PTPRD: variants seen among roughly 807,000 people sequenced by gnomAD.
PTPRD encodes receptor-type tyrosine-protein phosphatase delta.
PTPRD carries 34 observed loss-of-function variants against 214.5 expected under a neutral mutation model. The observed-to-expected ratio is 0.16, with a 90% CI of 0.12 to 0.21. The LOEUF (loss-of-function observed/expected upper bound fraction) is 0.21. PTPRD is among the 10% of genes least tolerant of loss of function. The pLI is 1.00. For missense variants in PTPRD, 2,545 were observed against 2,398.7 expected, an observed-to-expected ratio of 1.06 and a Z score of -1.27; for synonymous variants, 1,128 against 845.7, an observed-to-expected ratio of 1.33 and a Z score of -5.79.
chr9:8,674,047 G>C (rs909265844), intron 12 of PTPRD, among the ~76,000 whole-genome samples: 11 of 152,130 alleles, frequency 7.2e-5, no homozygotes, highest in African/African-American at 2.7e-4. Context: ...CCTTCACTGT[G>C]TCACATTGCT....
chr9:9,334,184 A>G (rs952904795), intron 9 of PTPRD, among the ~76,000 whole-genome samples: 21 of 152,022 alleles, frequency 1.4e-4, no homozygotes, highest in African/African-American at 5.1e-4. Context: ...CCAAAATGAT[A>G]ATTCTATCAT....
chr9:9,922,221 G>A (rs1240963388), intron 5 of PTPRD, among the ~76,000 whole-genome samples: 1 of 152,070 alleles, frequency 6.6e-6, no homozygotes, highest in African/African-American at 2.4e-5. Flanking sequence ...AAGTTCTAAG[G>A]TGGTTGCTCT....
chr9:10,389,756 C>T (rs139052308), intron 2 of PTPRD, among the ~76,000 whole-genome samples: 1 of 151,856 alleles, frequency 6.6e-6, no homozygotes, highest in Non-Finnish European at 1.5e-5. Context: ...ATAAATACCA[C>T]ATAAAATACT....
chr9:10,306,283 G>T (rs936163658), intron 3 of PTPRD, among the ~76,000 whole-genome samples: 31 of 151,672 alleles, frequency 2.0e-4, no homozygotes, highest in East Asian at 2.0e-4. Context: ...GGGGTGGGGG[G>T]GGCTAGGGGA....
chr9:8,416,462 A>C (rs2093944363), intron 35 of PTPRD, among the ~76,000 whole-genome samples: 1 of 152,136 alleles, frequency 6.6e-6, no homozygotes, highest in Non-Finnish European at 1.5e-5. Flanking sequence ...TTCCAGGAAG[A>C]GGGAAAAAAG....
At chr9:8,942,322 A>G (rs1368020755) in intron 11 of PTPRD, among the ~76,000 whole-genome samples, 1 of 152,236 alleles carries the variant, frequency 6.6e-6, no homozygotes, top group Non-Finnish European at 1.5e-5. Context: ...AAAATAAAAA[A>G]CATGCAAGTT....
rs546460350 is a variant in PTPRD at position 9,386,322 on chromosome 9, T to A, written c.-203+11127A>T. Reference sequence around the variant, plus strand: ...TGCTGACCTGCTAAAATGCCTCACATTGAACCAATGAGGTACGGCACTGAG... The same window carrying A: ...TGCTGACCTGCTAAAATGCCTCACAATGAACCAATGAGGTACGGCACTGAG... On this transcript the variant is annotated intron_variant, in intron 9 of 45. Coordinates refer to ENST00000381196, the MANE Select transcript of PTPRD (RefSeq NM_002839.4). Among the ~76,000 whole-genome samples, 143 of 152,240 alleles carry A rather than the reference T, an allele frequency of 9.4e-4. 1 individual carries two copies. Among genetic ancestry groups the A allele is most frequent in the Middle Eastern group, 3.4e-3 (1 of 294 alleles).
At chr9:10,154,379 A>T (rs1281412513) in intron 3 of PTPRD, among the ~76,000 whole-genome samples, 1 of 152,156 alleles carries the variant, frequency 6.6e-6, no homozygotes, top group Non-Finnish European at 1.5e-5. Context: ...CCTTTGTCAA[A>T]TGTACAATTT....
rs988449605 is a variant in PTPRD at position 10,025,200 on chromosome 9, C to T, written c.-472+8518G>A. ...TTCTAGTTCTAGATCCCTGAGGAAT[C>T]GCCACACTGACTTCCACAATGGTTG... On this transcript the variant is annotated intron_variant, in intron 4 of 45. Coordinates refer to ENST00000381196, the MANE Select transcript of PTPRD (RefSeq NM_002839.4). Among the ~76,000 whole-genome samples the T allele has an allele frequency of 1.2e-4, 18 of 152,200 alleles. 1 individual carries two copies. The highest frequency in any genetic ancestry group is 2.4e-5 in the African/African-American group (1 of 41,508).
intron 12 of PTPRD, among the ~76,000 whole-genome samples, chr9:8,660,090 T>C (rs1430044693): frequency 2.0e-5 from 3 of 152,116 alleles, no homozygotes; most frequent in Non-Finnish European, 4.4e-5. Flanking sequence ...GAATTGCAAA[T>C]GTGTTTTTCA....
At chr9:9,343,228 T>A (rs940823923) in intron 9 of PTPRD, among the ~76,000 whole-genome samples, 1 of 152,194 alleles carries the variant, frequency 6.6e-6, no homozygotes, top group African/African-American at 2.4e-5. Flanking sequence ...TGATTTGTAA[T>A]CCTTTGGGTA....
chr9:9,918,583 T>A lies in PTPRD; in HGVS notation c.-368+19924A>T, dbSNP rs10978086. Among the ~76,000 whole-genome samples, 1,488 of 152,036 alleles carry A rather than the reference T, an allele frequency of 9.8e-3. 17 individuals are homozygous for A. Among genetic ancestry groups the A allele is most frequent in the Non-Finnish European group, 0.016 (1,090 of 67,940 alleles). On this transcript the variant is annotated intron_variant, in intron 5 of 45. Transcript: ENST00000381196. ...GATGTAAATGGAAGCACAAAATACT[T>A]CAAGTAGCCAAAGCCATCCTGAGAC...
chr9:9,532,794 G>C (rs1156841345), intron 8 of PTPRD, among the ~76,000 whole-genome samples: 1 of 152,042 alleles, frequency 6.6e-6, no homozygotes, highest in Non-Finnish European at 1.5e-5. Flanking sequence ...AGCACCCTTG[G>C]AGCAATCATT....
In PTPRD at chr9:8,681,704, C is replaced by G. The variant is rs76604595; in HGVS notation, c.65-44860G>C. ...AGACAAGTTGCTTTTGTAGAGATAC[C>G]CCACTGCAAACATTCTTTTAAAGAT... On this transcript the variant is annotated intron_variant, in intron 12 of 45. Coordinates refer to ENST00000381196, the MANE Select transcript of PTPRD (RefSeq NM_002839.4). 1.3e-3 allele frequency among the ~76,000 whole-genome samples: 203 copies of G among 152,206 alleles called. 3 individuals carry two copies. In the East Asian group the frequency reaches 0.023, roughly 17 times the overall value.
intron 37 of PTPRD, among the ~76,000 whole-genome samples, chr9:8,380,019 A>G (rs1243017888): frequency 2.6e-5 from 4 of 152,158 alleles, no homozygotes; most frequent in Non-Finnish European, 5.9e-5. Flanking sequence ...AATGGCTGGC[A>G]CAAACAGGCA....
intron 7 of PTPRD, among the ~76,000 whole-genome samples, chr9:9,670,275 G>A (rs889031085): frequency 6.6e-6 from 1 of 152,038 alleles, no homozygotes; most frequent in Admixed American, 6.6e-5. Flanking sequence ...TGAGAGAGAT[G>A]ATTTATGGTA....
chr9:8,465,392 T>G (rs2096526807), intron 32 of PTPRD, 74 bp downstream of exon 32: 1 of 1,378,538 alleles, frequency 7.3e-7, no homozygotes, highest in Admixed American at 1.8e-5. Context: ...TACCCACAAA[T>G]CCCCAAATAA....
intron 10 of PTPRD, among the ~76,000 whole-genome samples, chr9:9,074,997 G>C (rs1307933666): frequency 2.6e-5 from 4 of 150,984 alleles, no homozygotes; most frequent in African/African-American, 7.3e-5. Flanking sequence ...TATTTTATTT[G>C]TTTAATGTTT....
At chr9:9,007,443 A>G (rs1186721400) in intron 11 of PTPRD, among the ~76,000 whole-genome samples, 3 of 148,312 alleles carry the variant, frequency 2.0e-5, no homozygotes, top group Non-Finnish European at 3.0e-5. Flanking sequence ...TATACCTTCA[A>G]TACAAGTCCC....
Sources: gnomAD v4.1 joint callset for allele counts (sites outside exome capture counted in the v4.1 genomes callset) on GRCh38, gnomAD v4.1.1 for gene constraint, MANE v1.5 for transcripts, NCBI Gene and HGNC (gene_info 2026-07-23, HGNC 2026-07-21) for gene names.